The following CTDSPL variants were observed in gnomAD, a reference collection of about 807,000 sequenced individuals.
The protein encoded by CTDSPL is CTD small phosphatase-like protein.
In CTDSPL, 8 loss-of-function variants were observed where a neutral mutation model predicts 30.5. The ratio of observed to expected loss-of-function variants is 0.26; its 90% confidence interval spans 0.15 to 0.47. The LOEUF (loss-of-function observed/expected upper bound fraction) is 0.47, where lower values mean the gene tolerates loss of function less well. CTDSPL is among the 20% of genes least tolerant of loss of function. The pLI is 0.99. For missense variants in CTDSPL, 248 were observed against 366.1 expected, an observed-to-expected ratio of 0.68 and a Z score of 2.63; for synonymous variants, 110 against 137.9, an observed-to-expected ratio of 0.80 and a Z score of 1.42.
chr3:37,957,218 G>A lies in CTDSPL; in HGVS notation c.267+75G>A, dbSNP rs1699184935. Reference sequence around the variant, plus strand: ...TGGCTTTGGGCCTACTTATATAAAGGATTTTTTTTAATGTTATTGCTTATG... The same window carrying A: ...TGGCTTTGGGCCTACTTATATAAAGAATTTTTTTTAATGTTATTGCTTATG... On this transcript the variant is annotated intron_variant, in intron 3 of 7. Transcript: ENST00000273179. 6 of 1,042,300 alleles carry A rather than the reference G, an allele frequency of 5.8e-6. No individual in the cohort carries two copies. In the East Asian group the frequency reaches 1.0e-4, roughly 18 times the overall value. 64.6% of individuals were successfully genotyped at this position (1,042,300 alleles called of 1,614,324 possible). A position where few individuals can be genotyped will look rare whatever the true frequency, so the allele number is the denominator to read the frequency against.
intron 6 of CTDSPL, 65 bp downstream of exon 6, chr3:37,971,564 C>G: frequency 7.0e-7 from 1 of 1,431,290 alleles, no homozygotes; most frequent in Non-Finnish European, 9.7e-7. Context: ...CCCCTACCCC[C>G]AATCTGTCAA....
intron 2 of CTDSPL, among the ~76,000 whole-genome samples, chr3:37,950,889 A>C (rs1416596124): frequency 6.6e-6 from 1 of 152,240 alleles, no homozygotes; most frequent in Non-Finnish European, 1.5e-5. Flanking sequence ...TAAAAGCCAG[A>C]AGACTATGAA....
Position 37,971,388 on chromosome 3 carries a change from C to A in CTDSPL, c.427-19C>A. The A allele has an allele frequency of 6.2e-7, 1 of 1,610,894 alleles. No homozygotes were observed. Among genetic ancestry groups the A allele is most frequent in the Non-Finnish European group, 8.5e-7 (1 of 1,177,938 alleles). The stretch of plus-strand genomic sequence containing the variant: ...GCAACTGCCACATCTGACCAGCCTG[C>A]TGTCTCCTGCCATTGCAGGTGTATG... On this transcript the variant is annotated intron_variant, in intron 5 of 7. Coordinates refer to ENST00000273179, the MANE Select transcript of CTDSPL (RefSeq NM_001008392.2).
intron 1 of CTDSPL, among the ~76,000 whole-genome samples, chr3:37,865,735 C>T (rs1698001113): frequency 6.6e-6 from 1 of 152,166 alleles, no homozygotes; most frequent in African/African-American, 2.4e-5. Context: ...CTTCCAAACA[C>T]CACAGCCACC....
At position 37,882,388 on chromosome 3, in the gene CTDSPL, G is replaced by A. The variant is rs918901501; in HGVS notation, c.79+20110G>A. Among the ~76,000 whole-genome samples the A allele has an allele frequency of 1.7e-4, 25 of 150,180 alleles. 1 individual carries two copies. The highest frequency in any genetic ancestry group is 3.3e-4 in the Admixed American group (5 of 15,020). The stretch of plus-strand genomic sequence containing the variant: ...ACCCAGGAGACAGAGCTTGCAGTGA[G>A]CTGAGATCGCACCACTGCACTCCAG... On this transcript the variant is annotated intron_variant, in intron 1 of 7. Coordinates refer to ENST00000273179, the MANE Select transcript of CTDSPL (RefSeq NM_001008392.2).
rs549517845 is a variant in CTDSPL, at chr3:37,944,467, G to A, written c.80-2590G>A. 6.7e-5 allele frequency among the ~76,000 whole-genome samples: 10 copies of A among 150,236 alleles called. 1 individual carries two copies. The highest frequency in any genetic ancestry group is 2.2e-4 in the African/African-American group (9 of 41,386). ...TCAAGGACCTTCTGGATGATAGCTG[G>A]GGGAGAGAAGTAGCAGCTGGGGCTG... On this transcript the variant is annotated intron_variant, in intron 1 of 7. Transcript: ENST00000273179.
chr3:37,949,762 T>A (rs75536331), intron 2 of CTDSPL, among the ~76,000 whole-genome samples: 2 of 152,352 alleles, frequency 1.3e-5, no homozygotes, highest in East Asian at 3.9e-4. Flanking sequence ...TCTGGGAAGA[T>A]GACAGCCTGA....
chr3:37,960,171 C>T (rs1166293545), intron 3 of CTDSPL, among the ~76,000 whole-genome samples: 1 of 152,076 alleles, frequency 6.6e-6, no homozygotes, highest in African/African-American at 2.4e-5. Context: ...CATGGAGAAA[C>T]CCCATCTCTA....
At chr3:37,966,142 C>A (rs1033954264) in intron 4 of CTDSPL, among the ~76,000 whole-genome samples, 1 of 152,234 alleles carries the variant, frequency 6.6e-6, no homozygotes, top group Non-Finnish European at 1.5e-5. Flanking sequence ...GGATTCCTGG[C>A]TCCAAAGGCA....
chr3:37,911,912 A>G (rs1276629059), intron 1 of CTDSPL: 2 of 286,308 alleles, frequency 7.0e-6, no homozygotes, highest in East Asian at 2.0e-4. Context: ...ACAAAAATGT[A>G]TTAGCTGGGC....
In CTDSPL at chr3:37,874,976, C is replaced by T. The variant is rs564187829; in HGVS notation, c.79+12698C>T. Among the ~76,000 whole-genome samples the T allele has an allele frequency of 4.6e-5, 7 of 152,290 alleles. No homozygotes were observed. In the East Asian group the frequency reaches 1.3e-3, roughly 29 times the overall value. On this transcript the variant is annotated intron_variant, in intron 1 of 7. Coordinates refer to ENST00000273179, the MANE Select transcript of CTDSPL (RefSeq NM_001008392.2). Reference sequence around the variant, plus strand: ...CAGTATTTTAATGACCTATCTTTCTCTTAAAAATCCACTACCTTTAAATAA... The same window carrying T: ...CAGTATTTTAATGACCTATCTTTCTTTTAAAAATCCACTACCTTTAAATAA...
chr3:37,949,887 G>A lies in CTDSPL; in HGVS notation c.234+2676G>A, dbSNP rs547044102. On this transcript the variant is annotated intron_variant, in intron 2 of 7. Coordinates refer to ENST00000273179, the MANE Select transcript of CTDSPL (RefSeq NM_001008392.2). ...CCTGACACCTTCAGGGTAGAGAGCA[G>A]GCACAGGATTTATTCTCTCTGGTAC... Among the ~76,000 whole-genome samples, 21 of 152,316 alleles carry A rather than the reference G, an allele frequency of 1.4e-4. No individual in the cohort carries two copies. In the South Asian group the frequency reaches 3.1e-3, roughly 23 times the overall value.
At chr3:37,890,195 C>T (rs778896591) in intron 1 of CTDSPL, among the ~76,000 whole-genome samples, 9 of 152,154 alleles carry the variant, frequency 5.9e-5, no homozygotes, top group Admixed American at 2.6e-4. Flanking sequence ...AACGTATGCG[C>T]GCACACCCAC....
intron 1 of CTDSPL, among the ~76,000 whole-genome samples, chr3:37,882,816 G>T (rs1698222769): frequency 6.6e-6 from 1 of 152,176 alleles, no homozygotes; most frequent in Admixed American, 6.5e-5. Flanking sequence ...TCCAAAGGGG[G>T]TTCAGGTGAT....
intron 1 of CTDSPL, among the ~76,000 whole-genome samples, chr3:37,870,780 A>T (rs112445013): frequency 1.3e-5 from 2 of 152,172 alleles, no homozygotes; most frequent in Admixed American, 1.3e-4. Context: ...TCAGTTCAAT[A>T]CTTTTTAAAA....
At chr3:37,904,689 C>T (rs569872865) in intron 1 of CTDSPL, among the ~76,000 whole-genome samples, 55 of 152,290 alleles carry the variant, frequency 3.6e-4, no homozygotes, top group African/African-American at 1.2e-3. Context: ...ATAGAGAAAA[C>T]GTATGAGTGG....
intron 1 of CTDSPL, among the ~76,000 whole-genome samples, chr3:37,876,468 T>C (rs190452086): frequency 1.3e-4 from 20 of 152,316 alleles, no homozygotes; most frequent in Admixed American, 5.9e-4. Context: ...TGCATCCTTG[T>C]CAGCACTTGA....
intron 3 of CTDSPL, 140 bp downstream of exon 3, chr3:37,957,283 A>C (rs1005989761): frequency 3.5e-6 from 2 of 573,080 alleles, no homozygotes; most frequent in Non-Finnish European, 5.9e-6. Context: ...TGTTCTGTTA[A>C]AAAGAAAACT....
intron 1 of CTDSPL, among the ~76,000 whole-genome samples, chr3:37,905,129 GC>G (rs1387720959): frequency 6.6e-6 from 1 of 152,144 alleles, no homozygotes; most frequent in Non-Finnish European, 1.5e-5. Context: ...AAAAAGCTGA[GC>G]AAAAATGCTC....
Sources: allele counts gnomAD v4.1 joint callset (sites outside exome capture counted in the v4.1 genomes callset), GRCh38; gene constraint gnomAD v4.1.1; transcripts MANE v1.5; gene names NCBI Gene and HGNC (gene_info 2026-07-23, HGNC 2026-07-21).